The following ZNF385D variants were observed in gnomAD, a reference collection of about 807,000 sequenced individuals.
ZNF385D encodes zinc finger protein 385D.
ZNF385D carries 15 observed loss-of-function variants against 35.8 expected under a neutral mutation model. The ratio of observed to expected loss-of-function variants is 0.42; its 90% CI spans 0.28 to 0.64. The LOEUF (loss-of-function observed/expected upper bound fraction) is 0.64, where lower values mean the gene tolerates loss of function less well. ZNF385D is among the 30% of genes least tolerant of loss of function. The pLI is 0.23. For missense variants in ZNF385D, 474 were observed against 494.6 expected, an observed-to-expected ratio of 0.96 and a Z score of 0.39; for synonymous variants, 212 against 186.8, an observed-to-expected ratio of 1.13 and a Z score of -1.10.
intron 3 of ZNF385D, among the ~76,000 whole-genome samples, chr3:22,106,646 C>A (rs1702228439): frequency 6.6e-6 from 1 of 152,162 alleles, no homozygotes; most frequent in African/African-American, 2.4e-5. Context: ...AGCCGTCAAC[C>A]TGAGGCCAGT....
intron 3 of ZNF385D, among the ~76,000 whole-genome samples, chr3:22,012,867 A>G (rs1696664621): frequency 6.6e-6 from 1 of 152,172 alleles, no homozygotes; most frequent in Non-Finnish European, 1.5e-5. Context: ...TGTTAAGGTA[A>G]AACCTTGAGT....
intron 3 of ZNF385D, among the ~76,000 whole-genome samples, chr3:21,523,944 A>G (rs1708066402): frequency 6.6e-6 from 1 of 152,248 alleles, no homozygotes; most frequent in South Asian, 2.1e-4. Context: ...GAATTTGATT[A>G]TGACGGTGAA....
At chr3:21,800,076 C>T (rs925302156) in intron 3 of ZNF385D, among the ~76,000 whole-genome samples, 1 of 152,164 alleles carries the variant, frequency 6.6e-6, no homozygotes, top group African/African-American at 2.4e-5. Context: ...TATTTCTGGA[C>T]TATCACTTCT....
At position 22,109,844 on chromosome 3, in the gene ZNF385D, G is replaced by A. The variant is rs184040809; in HGVS notation, c.325+58973C>T. On this transcript the variant is annotated intron_variant, in intron 3 of 5. Coordinates refer to the ZNF385D transcript ENST00000494108. ...ACTGCCATCAGAGTGAACAGGCAGC[G>A]TACAGAATGGGAGAAAAATTTTTGC... is the stretch of plus-strand genomic sequence containing the variant. Among the ~76,000 whole-genome samples the A allele has an allele frequency of 2.0e-3, 306 of 152,130 alleles. 2 individuals are homozygous for A. The highest frequency in any genetic ancestry group is 5.4e-3 in the African/African-American group (224 of 41,514).
At chr3:22,363,211 G>T (rs1354574609) in intron 2 of ZNF385D, among the ~76,000 whole-genome samples, 1 of 151,706 alleles carries the variant, frequency 6.6e-6, no homozygotes, top group East Asian at 2.0e-4. Flanking sequence ...TTTCTTTCCT[G>T]GAAGGAATCA....
At chr3:21,780,082 C>G (rs568446762) in intron 3 of ZNF385D, among the ~76,000 whole-genome samples, 2 of 151,858 alleles carry the variant, frequency 1.3e-5, no homozygotes, top group East Asian at 3.9e-4. Context: ...ATAGTCCACA[C>G]CCACACAGAA....
At chr3:21,977,985 T>A (rs1037428764) in intron 3 of ZNF385D, among the ~76,000 whole-genome samples, 2 of 152,184 alleles carry the variant, frequency 1.3e-5, no homozygotes. Flanking sequence ...TGGAGGTAGT[T>A]GGTATAGCCA....
chr3:22,247,321 G>T (rs1370090812), intron 2 of ZNF385D, among the ~76,000 whole-genome samples: 3 of 151,820 alleles, frequency 2.0e-5, no homozygotes, highest in Non-Finnish European at 4.4e-5. Context: ...AAGTAAAAAT[G>T]GTACAGTAGA....
rs192946205 is a variant in ZNF385D at position 21,617,479 on chromosome 3, C to T, written c.165+47407G>A. Among the ~76,000 whole-genome samples, 100 of 152,284 alleles carry T rather than the reference C, an allele frequency of 6.6e-4. 2 individuals carry two copies. Among genetic ancestry groups the T allele is most frequent in the African/African-American group, 2.0e-3 (82 of 41,570 alleles). The stretch of plus-strand genomic sequence containing the variant: ...TAGTGATAGCTAACATTACAGAGTG[C>T]TCCCGTGGTCCAGATAATCCCCAAT... On this transcript the variant is annotated intron_variant, in intron 2 of 7. Coordinates refer to ENST00000281523, the MANE Select transcript of ZNF385D (RefSeq NM_024697.3).
intron 2 of ZNF385D, among the ~76,000 whole-genome samples, chr3:22,206,840 C>G (rs1697189631): frequency 6.6e-6 from 1 of 151,648 alleles, no homozygotes; most frequent in Non-Finnish European, 1.5e-5. Flanking sequence ...AAATATATAA[C>G]CTGATAATGC....
chr3:22,117,890 C>T (rs967515945), intron 3 of ZNF385D, among the ~76,000 whole-genome samples: 3 of 151,928 alleles, frequency 2.0e-5, no homozygotes, highest in Admixed American at 6.6e-5. Flanking sequence ...ATTTTAAAAA[C>T]GTAATTTCAT....
intron 3 of ZNF385D, among the ~76,000 whole-genome samples, chr3:21,888,378 T>C (rs1212388988): frequency 6.6e-6 from 1 of 152,038 alleles, no homozygotes; most frequent in Admixed American, 6.6e-5. Flanking sequence ...TGAAGACCAC[T>C]AGCACTGAAT....
chr3:21,679,262 C>T (rs1361174869), intron 1 of ZNF385D, among the ~76,000 whole-genome samples: 1 of 151,912 alleles, frequency 6.6e-6, no homozygotes, highest in East Asian at 1.9e-4. Flanking sequence ...AGTAACTATT[C>T]TTAATGTCTT....
At chr3:21,792,399 T>C (rs1240010273) in intron 3 of ZNF385D, among the ~76,000 whole-genome samples, 2 of 152,192 alleles carry the variant, frequency 1.3e-5, no homozygotes, top group African/African-American at 2.4e-5. Context: ...CCACCTGTTT[T>C]TCTAAATAAC....
At position 21,835,829 on chromosome 3, in the gene ZNF385D, T is replaced by C. The variant is rs9857096; in HGVS notation, c.326-170801A>G. Among the ~76,000 whole-genome samples, 681 of 152,220 alleles carry C rather than the reference T, an allele frequency of 4.5e-3. 6 individuals are homozygous for C. The highest frequency in any genetic ancestry group is 0.015 in the African/African-American group (630 of 41,570). ...ACCAATAATTGTCCCTCCAACTAAATGTCTCTGTCAATTTGGGATCCTGAG... is the reference window on the plus strand; with the variant it reads ...ACCAATAATTGTCCCTCCAACTAAACGTCTCTGTCAATTTGGGATCCTGAG... On this transcript the variant is annotated intron_variant, in intron 3 of 5. Coordinates refer to the ZNF385D transcript ENST00000494108.
intron 2 of ZNF385D, among the ~76,000 whole-genome samples, chr3:21,625,073 A>G (rs751044996): frequency 4.6e-5 from 7 of 152,094 alleles, no homozygotes; most frequent in Non-Finnish European, 8.8e-5. Flanking sequence ...AATTTGTTAC[A>G]ATGTAACAAG....
Position 21,453,730 on chromosome 3 carries a change from A to G in ZNF385D, c.440-16527T>C, listed in dbSNP as rs150005564. The stretch of plus-strand genomic sequence containing the variant: ...ACATAACTAGTGTCAGTGAGAATGC[A>G]GAGAAATTGAAATCTTTGTATGTTA... On this transcript the variant is annotated intron_variant, in intron 4 of 7. Coordinates refer to ENST00000281523, the MANE Select transcript of ZNF385D (RefSeq NM_024697.3). 1.8e-4 allele frequency among the ~76,000 whole-genome samples: 27 copies of G among 152,210 alleles called. No homozygotes were observed. In the East Asian group the frequency reaches 4.4e-3, roughly 25 times the overall value.
At chr3:21,978,345 T>C (rs1703767995) in intron 3 of ZNF385D, 1 of 152,240 alleles carries the variant, frequency 6.6e-6, no homozygotes, top group Admixed American at 6.5e-5. Context: ...GATCTAAACC[T>C]AGGATTTAAA....
intron 3 of ZNF385D, among the ~76,000 whole-genome samples, chr3:22,122,278 G>A (rs1382579598): frequency 6.6e-6 from 1 of 152,058 alleles, no homozygotes; most frequent in African/African-American, 2.4e-5. Flanking sequence ...ATCAGGACCT[G>A]CATTCGGCTG....
Sources: allele counts gnomAD v4.1 joint callset (sites outside exome capture counted in the v4.1 genomes callset), GRCh38; gene constraint gnomAD v4.1.1; transcripts MANE v1.5; gene names NCBI Gene and HGNC (gene_info 2026-07-23, HGNC 2026-07-21).